The following DOK6 variants were observed in gnomAD, a reference collection of about 807,000 sequenced individuals.
DOK6 encodes docking protein 6, also known as downstream of tyrosine kinase 6.
A neutral mutation model predicts 44.0 loss-of-function variants in DOK6; 22 were observed. That is an observed-to-expected ratio of 0.50 (90% CI 0.36 to 0.71). The LOEUF (loss-of-function observed/expected upper bound fraction) is 0.71. Ranked by LOEUF, DOK6 falls within the 30% of genes least tolerant of loss-of-function variation. The pLI, the probability that DOK6 is intolerant of heterozygous loss-of-function variation, is 0.00. For synonymous variants in DOK6, 166 were observed against 145.5 expected, an observed-to-expected ratio of 1.14 and a Z score of -1.01; for missense variants, 340 against 416.4, an observed-to-expected ratio of 0.82 and a Z score of 1.60.
intron 4 of DOK6, among the ~76,000 whole-genome samples, chr18:69,686,768 TC>T (rs1986161060): frequency 6.6e-6 from 1 of 152,114 alleles, no homozygotes; most frequent in Admixed American, 6.5e-5. Flanking sequence ...TAATAACAAA[TC>T]TGAATAAATT....
At chr18:69,407,954 C>T (rs2122385074) in intron 1 of DOK6, among the ~76,000 whole-genome samples, 1 of 152,272 alleles carries the variant, frequency 6.6e-6, no homozygotes, top group East Asian at 1.9e-4. Context: ...CATCTCACAA[C>T]TTGTAAAGAC....
chr18:69,837,989 A>G (rs1008914310), intron 7 of DOK6, among the ~76,000 whole-genome samples: 8 of 152,204 alleles, frequency 5.3e-5, no homozygotes, highest in African/African-American at 1.9e-4. Context: ...TAAAAGTCAT[A>G]CTTCCACACT....
At chr18:69,402,168 G>T (rs1458770751) in intron 1 of DOK6, among the ~76,000 whole-genome samples, 3 of 152,106 alleles carry the variant, frequency 2.0e-5, no homozygotes, top group Non-Finnish European at 4.4e-5. Flanking sequence ...AGCGCGCGAT[G>T]TAGGGTGGCC....
intron 7 of DOK6, among the ~76,000 whole-genome samples, chr18:69,816,824 TAGG>T (rs1462404601): frequency 1.3e-5 from 2 of 152,096 alleles, no homozygotes; most frequent in African/African-American, 4.8e-5. Context: ...AAATAGGACA[TAGG>T]AGGAGAAGAG....
At chr18:69,741,177 C>T (rs1224836766) in intron 6 of DOK6, among the ~76,000 whole-genome samples, 1 of 152,178 alleles carries the variant, frequency 6.6e-6, no homozygotes, top group Non-Finnish European at 1.5e-5. Flanking sequence ...GCAGGCTCAG[C>T]AAGGCTCAAC....
intron 5 of DOK6, chr18:69,724,663 C>T (rs1364459488): frequency 6.6e-6 from 1 of 152,202 alleles, no homozygotes; most frequent in Non-Finnish European, 1.5e-5. Flanking sequence ...CTTCTTTACT[C>T]TTCCATAGAG....
chr18:69,803,659 G>A (rs960242610), intron 7 of DOK6, among the ~76,000 whole-genome samples: 5 of 152,084 alleles, frequency 3.3e-5, no homozygotes, highest in African/African-American at 4.8e-5. Context: ...GTCAGAGATC[G>A]AGACCATCCT....
intron 1 of DOK6, among the ~76,000 whole-genome samples, chr18:69,527,898 C>A (rs1270139422): frequency 1.3e-5 from 2 of 152,032 alleles, no homozygotes; most frequent in Admixed American, 6.6e-5. Context: ...TGCGGTGGCT[C>A]ACACCTGTAA....
Position 69,488,221 on chromosome 18 carries a change from G to T in DOK6, c.67-76266G>T, listed in dbSNP as rs150169226. ...GAAGGGCACTAATCCCATAATGAAG[G>T]CCCCAACCTCATGACCTCATCTAAC... On this transcript the variant is annotated intron_variant, in intron 1 of 7. Transcript: ENST00000382713. Among the ~76,000 whole-genome samples, 1,078 of 152,136 alleles carry T rather than the reference G, an allele frequency of 7.1e-3. 39 individuals are homozygous for T. The highest frequency in any genetic ancestry group is 0.062 in the Admixed American group (950 of 15,268).
intron 3 of DOK6, among the ~76,000 whole-genome samples, chr18:69,674,194 A>G (rs557020542): frequency 6.6e-6 from 1 of 152,360 alleles, no homozygotes; most frequent in Non-Finnish European, 1.5e-5. Flanking sequence ...TAGTTGTAAT[A>G]TTTGAAAGGT....
intron 3 of DOK6, among the ~76,000 whole-genome samples, chr18:69,648,636 G>A (rs1032333391): frequency 6.6e-5 from 10 of 152,116 alleles, no homozygotes; most frequent in East Asian, 3.9e-4. Flanking sequence ...ACTAAATATC[G>A]TCTGTTAATT....
rs564824767 is a variant in DOK6, at chr18:69,680,765, T to C, written c.409+2912T>C. On this transcript the variant is annotated intron_variant, in intron 4 of 7. Coordinates refer to ENST00000382713, the MANE Select transcript of DOK6 (RefSeq NM_152721.6). ...GGCTATAAAACCTCATGGTAAAGAC[T>C]AAGATATCTCATCCGTCAACTTGGA... Among the ~76,000 whole-genome samples, 4 of 152,328 alleles carry C rather than the reference T, an allele frequency of 2.6e-5. No individual in the cohort carries two copies. The East Asian group carries it at 7.7e-4, about 29-fold the overall frequency.
At chr18:69,402,214 C>T (rs901131812) in intron 1 of DOK6, among the ~76,000 whole-genome samples, 1 of 151,990 alleles carries the variant, frequency 6.6e-6, no homozygotes, top group African/African-American at 2.4e-5. Flanking sequence ...TCCAGAAAAG[C>T]GAGGGGAAAC....
intron 3 of DOK6, among the ~76,000 whole-genome samples, chr18:69,625,721 A>T (rs1984543236): frequency 6.6e-6 from 1 of 152,122 alleles, no homozygotes; most frequent in Non-Finnish European, 1.5e-5. Context: ...TATTGTATGA[A>T]CTCTTTGGGC....
intron 3 of DOK6, among the ~76,000 whole-genome samples, chr18:69,619,434 T>C (rs1984388814): frequency 6.6e-6 from 1 of 152,222 alleles, no homozygotes; most frequent in Non-Finnish European, 1.5e-5. Flanking sequence ...ATCGTGGGTG[T>C]CCAGAACCAT....
At chr18:69,539,080 A>T (rs1248402672) in intron 1 of DOK6, among the ~76,000 whole-genome samples, 1 of 152,214 alleles carries the variant, frequency 6.6e-6, no homozygotes, top group Non-Finnish European at 1.5e-5. Flanking sequence ...AGCAAGGTCA[A>T]CTAAGAGACA....
intron 2 of DOK6, among the ~76,000 whole-genome samples, chr18:69,586,196 G>A (rs1055025613): frequency 3.1e-4 from 47 of 152,132 alleles, no homozygotes; most frequent in African/African-American, 1.1e-3. Context: ...AGAATGACTT[G>A]CTTAAATATT....
At chr18:69,565,517 GTGTGTA>G (rs1448467810) in intron 2 of DOK6, among the ~76,000 whole-genome samples, 2 of 7,680 alleles carry the variant, frequency 2.6e-4, no homozygotes, top group African/African-American at 7.5e-4. Flanking sequence ...GTGTGTGTGT[GTGTGTA>G]TATATATATA....
At chr18:69,805,603 CA>C (rs1981030861) in intron 7 of DOK6, among the ~76,000 whole-genome samples, 1 of 152,024 alleles carries the variant, frequency 6.6e-6, no homozygotes, top group South Asian at 2.1e-4. Flanking sequence ...TCCATAAAAC[CA>C]TAACACTGTT....
Sources: allele counts gnomAD v4.1 joint callset (sites outside exome capture counted in the v4.1 genomes callset), GRCh38; gene constraint gnomAD v4.1.1; transcripts MANE v1.5; gene names NCBI Gene and HGNC (gene_info 2026-07-23, HGNC 2026-07-21).